The following CRBN variants were observed in gnomAD, a reference collection of about 807,000 sequenced individuals.
CRBN encodes cereblon, also known as protein cereblon.
CRBN carries 53 observed loss-of-function variants against 62.2 expected under a neutral mutation model. That is an observed-to-expected ratio of 0.85 (90% CI 0.68 to 1.07). The LOEUF (loss-of-function observed/expected upper bound fraction) is 1.07, where lower values mean the gene tolerates loss of function less well. CRBN is among the 50% of genes least tolerant of loss of function. The pLI, the probability that CRBN is intolerant of heterozygous loss-of-function variation, is 0.00. For synonymous variants in CRBN, 208 were observed against 176.1 expected, an observed-to-expected ratio of 1.18 and a Z score of -1.43; for missense variants, 616 against 531.1, an observed-to-expected ratio of 1.16 and a Z score of -1.57.
At chr3:3,166,708 T>A (rs2126063669) in intron 5 of CRBN, among the ~76,000 whole-genome samples, 1 of 152,238 alleles carries the variant, frequency 6.6e-6, no homozygotes, top group South Asian at 2.1e-4. Context: ...GCCCATCAAG[T>A]GCCCATTCTG....
At position 3,173,469 on chromosome 3, in the gene CRBN, C is replaced by G. The variant is rs936897129; in HGVS notation, c.378-544G>C. 2.0e-5 allele frequency among the ~76,000 whole-genome samples: 3 copies of G among 152,178 alleles called. No individual in the cohort carries two copies. In the South Asian group the frequency reaches 6.2e-4, roughly 32 times the overall value. On this transcript the variant is annotated intron_variant, in intron 3 of 10. Coordinates refer to ENST00000231948, the MANE Select transcript of CRBN (RefSeq NM_016302.4). Reference sequence around the variant, plus strand: ...TCTAGTCACTGAAAATAATTTAGAACTTACAGGGGTTTAAACTCATTTCCC... The same window carrying G: ...TCTAGTCACTGAAAATAATTTAGAAGTTACAGGGGTTTAAACTCATTTCCC...
Position 3,174,117 on chromosome 3 carries a change from C to CT in CRBN, c.318dup (p.Val107SerfsTer12). The CT allele has an allele frequency of 6.2e-7, 1 of 1,614,164 alleles. No individual in the cohort carries two copies. The highest frequency in any genetic ancestry group is 2.2e-5 in the East Asian group (1 of 44,884). ...TGAATTAAATTCCGCACCATACTGA[C>CT]TTCTTGAGGGTGAAAAAGCTGAAGA... On this transcript the variant is annotated frameshift_variant, in exon 3 of 11. Coordinates refer to ENST00000231948, the MANE Select transcript of CRBN (RefSeq NM_016302.4). LOFTEE classifies it high-confidence loss of function.
At chr3:3,158,302 C>T (rs1273524981) in intron 5 of CRBN, among the ~76,000 whole-genome samples, 4 of 152,160 alleles carry the variant, frequency 2.6e-5, no homozygotes, top group Non-Finnish European at 5.9e-5. Flanking sequence ...GCTTCACTTG[C>T]TCGTTCACCA....
At chr3:3,154,993 G>A (rs1405921976) in intron 6 of CRBN, 162 bp from the exon 7 acceptor site, 7 of 633,832 alleles carry the variant, frequency 1.1e-5, no homozygotes, top group Non-Finnish European at 2.0e-5. Context: ...CAATGATCAA[G>A]CTCCAGCTCC....
chr3:3,175,097 T>G (rs1707777441), intron 2 of CRBN, 66 bp downstream of exon 2: 4 of 1,105,242 alleles, frequency 3.6e-6, no homozygotes, highest in Non-Finnish European at 5.5e-6. Context: ...GTCACTTGTT[T>G]TTATGAACTT....
At chr3:3,156,164 C>A in intron 6 of CRBN, 55 bp downstream of exon 6, 2 of 1,422,308 alleles carry the variant, frequency 1.4e-6, no homozygotes, top group Non-Finnish European at 2.0e-6. Context: ...TTTAATGACC[C>A]TTAATTATGA....
chr3:3,163,133 T>C (rs1161608008), intron 5 of CRBN, among the ~76,000 whole-genome samples: 1 of 152,302 alleles, frequency 6.6e-6, no homozygotes, highest in Non-Finnish European at 1.5e-5. Flanking sequence ...GAGTCCAAAA[T>C]AGATCAGCTA....
chr3:3,159,698 T>C (rs1416912880), intron 5 of CRBN, among the ~76,000 whole-genome samples: 1 of 152,118 alleles, frequency 6.6e-6, no homozygotes, highest in Non-Finnish European at 1.5e-5. Flanking sequence ...GCATAATACA[T>C]CCTTAATATT....
In CRBN at chr3:3,169,935, C is replaced by T. The variant is rs574449329; in HGVS notation, c.528-2142G>A. 2.6e-3 allele frequency among the ~76,000 whole-genome samples: 400 copies of T among 152,204 alleles called. 2 individuals carry two copies. Among genetic ancestry groups the T allele is most frequent in the South Asian group, 5.8e-3 (28 of 4,814 alleles). On this transcript the variant is annotated intron_variant, in intron 4 of 10. Coordinates refer to ENST00000231948, the MANE Select transcript of CRBN (RefSeq NM_016302.4). The stretch of plus-strand genomic sequence containing the variant: ...TATGTGTTCAGAAGATGCCCACCCC[C>T]CCTCCGCCCTCCCCAACCCACACAC...
rs369917053 is a variant in CRBN at position 3,157,151 on chromosome 3, AC to A, written c.688-871del. On this transcript the variant is annotated intron_variant, in intron 5 of 10. Coordinates refer to ENST00000231948, the MANE Select transcript of CRBN (RefSeq NM_016302.4). The stretch of plus-strand genomic sequence containing the variant: ...AAGAGAAGCAAATGGTCTATAGGAC[AC>A]AAAAATATTACTGAAGGGATGCACT... 8.2e-3 allele frequency among the ~76,000 whole-genome samples: 1,251 copies of A among 152,352 alleles called. 16 individuals carry two copies. The highest frequency in any genetic ancestry group is 0.028 in the African/African-American group (1,173 of 41,582).
rs1559237432 is a variant in CRBN at position 3,150,509 on chromosome 3, GAATTT to G, written c.*351_*355del. The stretch of plus-strand genomic sequence containing the variant: ...TATTAGTTTCAGTTTCACATTGTAG[GAATTT>G]AAGATTTTTTTTTTTTTTAACACAG... On this transcript the variant is annotated 3_prime_UTR_variant, in exon 11 of 11. Transcript: ENST00000231948. 4.7e-6 allele frequency: 1 copy of G among 211,856 alleles called. No individual in the cohort carries two copies. The highest frequency in any genetic ancestry group is 9.4e-6 in the Non-Finnish European group (1 of 105,992). The allele number at this position is 211,856 out of a possible 1,614,324, so 13.1% of individuals were successfully genotyped here.
chr3:3,159,282 G>A (rs923693091), intron 5 of CRBN, among the ~76,000 whole-genome samples: 10 of 152,110 alleles, frequency 6.6e-5, no homozygotes, highest in Admixed American at 6.5e-4. Flanking sequence ...ACCCTGTCGA[G>A]CTTATATTTT....
At chr3:3,172,641 C>CTA in intron 4 of CRBN, 135 bp downstream of exon 4, 7 of 904,212 alleles carry the variant, frequency 7.7e-6, no homozygotes, top group Non-Finnish European at 8.9e-6. Flanking sequence ...AACCACTGGG[C>CTA]TATACCTTAG....
chr3:3,169,760 C>T (rs1238599842), intron 4 of CRBN, among the ~76,000 whole-genome samples: 1 of 152,144 alleles, frequency 6.6e-6, no homozygotes, highest in Non-Finnish European at 1.5e-5. Flanking sequence ...TTTTGACTAA[C>T]AATTATTGGT....
intron 1 of CRBN, among the ~76,000 whole-genome samples, chr3:3,177,995 ACAAAAAAC>A (rs1252225042): frequency 6.9e-6 from 1 of 145,028 alleles, no homozygotes; most frequent in Non-Finnish European, 1.5e-5. Context: ...TTTCTGAAAA[ACAAAAAAC>A]AAAACAAAAC....
chr3:3,173,202 C>A (rs920715142), intron 3 of CRBN, among the ~76,000 whole-genome samples: 3 of 152,072 alleles, frequency 2.0e-5, no homozygotes, highest in African/African-American at 7.2e-5. Flanking sequence ...GGATTACAGG[C>A]ACATACCACC....
Position 3,150,781 on chromosome 3 carries a change from G to C in CRBN, c.*84C>G. On this transcript the variant is annotated 3_prime_UTR_variant, in exon 11 of 11. Coordinates refer to ENST00000231948, the MANE Select transcript of CRBN (RefSeq NM_016302.4). ...TAGGTATTAATGTTATGTTTACTTAGGTATGTATCAGAGGCAATAATTTCC... is the reference window on the plus strand; with the variant it reads ...TAGGTATTAATGTTATGTTTACTTACGTATGTATCAGAGGCAATAATTTCC... 1.6e-6 allele frequency: 2 copies of C among 1,287,340 alleles called. No homozygotes were observed. The highest frequency in any genetic ancestry group is 1.1e-6 in the Non-Finnish European group (1 of 908,024). 79.7% of individuals were successfully genotyped at this position (1,287,340 alleles called of 1,614,324 possible).
At position 3,152,578 on chromosome 3, in the gene CRBN, T is replaced by TA; in HGVS notation, c.1025dup (p.Leu342PhefsTer17). ...TCACATAAGCTGCCATCGGCCCACA[T>TA]AAGGATAAACTAAAACAAAGAATCA... On this transcript the variant is annotated frameshift_variant, in exon 10 of 11. Coordinates refer to ENST00000231948, the MANE Select transcript of CRBN (RefSeq NM_016302.4). LOFTEE classifies it high-confidence loss of function. 6.2e-7 allele frequency: 1 copy of TA among 1,614,048 alleles called. No homozygotes were observed. The highest frequency in any genetic ancestry group is 8.5e-7 in the Non-Finnish European group (1 of 1,179,988).
chr3:3,167,000 TA>T (rs1707377216), intron 5 of CRBN, among the ~76,000 whole-genome samples: 1 of 151,976 alleles, frequency 6.6e-6, no homozygotes, highest in Non-Finnish European at 1.5e-5. Context: ...TTTCTTTAGG[TA>T]GCAATTATAA....
Sources: allele counts gnomAD v4.1 joint callset (sites outside exome capture counted in the v4.1 genomes callset), GRCh38; gene constraint gnomAD v4.1.1; transcripts MANE v1.5; gene names NCBI Gene and HGNC (gene_info 2026-07-23, HGNC 2026-07-21).